USP15: variants seen among roughly 807,000 people sequenced by gnomAD.
USP15 encodes ubiquitin specific peptidase 15.
A neutral mutation model predicts 127.1 loss-of-function variants in USP15; 18 were observed. The observed-to-expected ratio is 0.14, with a 90% confidence interval of 0.10 to 0.21. USP15 has a LOEUF of 0.21. Ranked by LOEUF, USP15 falls within the 10% of genes least tolerant of loss-of-function variation. The pLI is 1.00. For missense variants in USP15, 805 were observed against 1,159.9 expected (o/e 0.69, Z 4.44); for synonymous variants, 364 against 393.7 (o/e 0.92, Z 0.89).
At chr12:62,401,858 T>TTA (rs2067699120) in intron 21 of USP15, among the ~76,000 whole-genome samples, 1 of 146,940 alleles carries the variant, frequency 6.8e-6, no homozygotes, top group Admixed American at 6.8e-5. Context: ...CAGTATGGGT[T>TTA]TGTGTGTGTG....
intron 1 of USP15, among the ~76,000 whole-genome samples, chr12:62,268,585 C>T (rs943728086): frequency 1.3e-5 from 2 of 152,022 alleles, no homozygotes; most frequent in African/African-American, 4.8e-5. Flanking sequence ...GCTTTTGGGG[C>T]CTTTATGCCC....
At chr12:62,267,382 C>A (rs1215783567) in intron 1 of USP15, 1 of 152,018 alleles carries the variant, frequency 6.6e-6, no homozygotes, top group Non-Finnish European at 1.5e-5. Flanking sequence ...AGGGAAGGGT[C>A]AAAAATGGCT....
chr12:62,369,487 G>T, intron 8 of USP15, among the ~76,000 whole-genome samples: 1 of 150,072 alleles, frequency 6.7e-6, no homozygotes. Context: ...CCTGCTACCT[G>T]ATTTTTTTAT....
intron 19 of USP15, among the ~76,000 whole-genome samples, chr12:62,394,932 T>C (rs2067440359): frequency 6.6e-6 from 1 of 151,962 alleles, no homozygotes; most frequent in Non-Finnish European, 1.5e-5. Flanking sequence ...TCATTATTGC[T>C]TTTTAATGAT....
chr12:62,376,258 T>C (rs2137545293), intron 8 of USP15, among the ~76,000 whole-genome samples: 1 of 152,230 alleles, frequency 6.6e-6, no homozygotes, highest in South Asian at 2.1e-4. Context: ...CTTGTTAATA[T>C]AAATTTTTTT....
At chr12:62,398,789 A>G (rs1214396259) in intron 20 of USP15, among the ~76,000 whole-genome samples, 6 of 152,198 alleles carry the variant, frequency 3.9e-5, no homozygotes, top group African/African-American at 1.4e-4. Context: ...TAAGCTTATC[A>G]AGTGTATTCA....
chr12:62,327,727 C>T (rs1035011774), intron 6 of USP15: 2 of 427,586 alleles, frequency 4.7e-6, no homozygotes, highest in Non-Finnish European at 9.2e-6. Flanking sequence ...AAACAGAATT[C>T]CCTATGTAAT....
Position 62,294,209 on chromosome 12 carries a change from G to T in USP15, c.120G>T (p.Gln40His). Residue 40 changes from glutamine (Q) to histidine (H), a missense_variant, in exon 2 of 22, where the codon CAG (glutamine) becomes CAT (histidine). Coordinates refer to ENST00000280377, the MANE Select transcript of USP15 (RefSeq NM_001252078.2). The stretch of plus-strand genomic sequence containing the variant: ...TAGTCGATAGTCGCTGGTTCAAACA[G>T]TGGAAAAAATATGTTGGCTTTGACA... ...WYLVDSRWFK[Q>H]WKKYVGFDSW... 6.2e-7 allele frequency: 1 copy of T among 1,613,468 alleles called. No individual in the cohort carries two copies. Among genetic ancestry groups the T allele is most frequent in the Non-Finnish European group, 8.5e-7 (1 of 1,179,702 alleles).
Position 62,392,481 on chromosome 12 carries a change from C to T in USP15, c.2420+94C>T, listed in dbSNP as rs146111957. ...AAGTTGAAAAAGTAATTACTAAATTCTCTTTGATGTTTTAAATAGTAAAGG... is the reference window on the plus strand; with the variant it reads ...AAGTTGAAAAAGTAATTACTAAATTTTCTTTGATGTTTTAAATAGTAAAGG... On this transcript the variant is annotated intron_variant, in intron 18 of 21. Coordinates refer to ENST00000280377, the MANE Select transcript of USP15 (RefSeq NM_001252078.2). 260 of 869,018 alleles carry T rather than the reference C, an allele frequency of 3.0e-4. No homozygotes were observed. In the African/African-American group the frequency reaches 4.0e-3, roughly 13 times the overall value. 53.8% of individuals were successfully genotyped at this position (869,018 alleles called of 1,614,324 possible).
At chr12:62,325,721 C>G in intron 5 of USP15, 151 bp from the exon 6 acceptor site, 1 of 538,862 alleles carries the variant, frequency 1.9e-6, no homozygotes. Context: ...GCTTTGGAAT[C>G]GAAATGCAGA....
chr12:62,281,929 T>C (rs1006593587), intron 1 of USP15, among the ~76,000 whole-genome samples: 1 of 152,174 alleles, frequency 6.6e-6, no homozygotes, highest in Non-Finnish European at 1.5e-5. Context: ...GCAGTCCCTT[T>C]TTATCTGCAG....
intron 1 of USP15, among the ~76,000 whole-genome samples, chr12:62,266,727 C>T (rs1414130371): frequency 6.6e-6 from 1 of 151,864 alleles, no homozygotes; most frequent in East Asian, 1.9e-4. Flanking sequence ...AAAAGAAGGA[C>T]CAAAATATAT....
chr12:62,375,937 G>T (rs2066815974), intron 8 of USP15, among the ~76,000 whole-genome samples: 1 of 152,116 alleles, frequency 6.6e-6, no homozygotes. Flanking sequence ...AATAGCTCAT[G>T]TCCTAAACTT....
chr12:62,371,049 A>G (rs2066649309), intron 8 of USP15, among the ~76,000 whole-genome samples: 1 of 152,056 alleles, frequency 6.6e-6, no homozygotes. Context: ...TATCTGTGTC[A>G]TCTCTTTGTT....
At chr12:62,345,493 G>T (rs2137403027) in intron 6 of USP15, among the ~76,000 whole-genome samples, 1 of 152,188 alleles carries the variant, frequency 6.6e-6, no homozygotes, top group East Asian at 1.9e-4. Flanking sequence ...AGTCCTCCAA[G>T]TCTCCAGGAA....
At position 62,368,463 on chromosome 12, in the gene USP15, T is replaced by C. The variant is rs183636520; in HGVS notation, c.915+12988T>C. Among the ~76,000 whole-genome samples the C allele has an allele frequency of 2.0e-5, 3 of 152,336 alleles. No homozygotes were observed. The East Asian group carries it at 5.8e-4, about 29-fold the overall frequency. On this transcript the variant is annotated intron_variant, in intron 8 of 21. Coordinates refer to ENST00000280377, the MANE Select transcript of USP15 (RefSeq NM_001252078.2). ...GAGTCTAAGTCTCTTTGTAGGTCTCTAAGAACTTGCTTTATGAATCTGGGT... is the reference window on the plus strand; with the variant it reads ...GAGTCTAAGTCTCTTTGTAGGTCTCCAAGAACTTGCTTTATGAATCTGGGT...
At chr12:62,279,473 A>C (rs570850962) in intron 1 of USP15, among the ~76,000 whole-genome samples, 2 of 152,302 alleles carry the variant, frequency 1.3e-5, no homozygotes, top group East Asian at 3.9e-4. Context: ...TCTGATTTTA[A>C]TCCTTTTGGA....
intron 1 of USP15, among the ~76,000 whole-genome samples, chr12:62,265,682 A>G (rs998273155): frequency 1.3e-5 from 2 of 152,110 alleles, no homozygotes; most frequent in Non-Finnish European, 2.9e-5. Flanking sequence ...AAATAGCTGG[A>G]ACTACAGGTG....
intron 15 of USP15, 65 bp from the exon 16 acceptor site, chr12:62,391,092 A>G (rs969356151): frequency 5.9e-5 from 89 of 1,500,176 alleles, no homozygotes; most frequent in Non-Finnish European, 7.1e-5. Context: ...CCTAGGATTA[A>G]TAATATTAAT....
Sources: gnomAD v4.1 joint callset for allele counts (sites outside exome capture counted in the v4.1 genomes callset) on GRCh38, gnomAD v4.1.1 for gene constraint, MANE v1.5 for transcripts, NCBI Gene and HGNC (gene_info 2026-07-23, HGNC 2026-07-21) for gene names.